The following FSHR variants were observed in gnomAD, a reference collection of about 807,000 sequenced individuals.
FSHR encodes the protein follicle stimulating hormone receptor.
In FSHR, 46 loss-of-function variants were observed where a neutral mutation model predicts 52.1. The ratio of observed to expected loss-of-function variants is 0.88; its 90% CI spans 0.70 to 1.13. The LOEUF (loss-of-function observed/expected upper bound fraction) is 1.13. Among genes scored for constraint, FSHR ranks in the 50% most tolerant of loss-of-function variants. FSHR has a pLI of 0.00. For synonymous variants in FSHR, 399 were observed against 309.6 expected, an observed-to-expected ratio of 1.29 and a Z score of -3.03; for missense variants, 964 against 834.6, an observed-to-expected ratio of 1.16 and a Z score of -1.91.
chr2:49,020,941 G>T (rs573836259), intron 2 of FSHR, among the ~76,000 whole-genome samples: 1 of 152,196 alleles, frequency 6.6e-6, no homozygotes, highest in East Asian at 1.9e-4. Flanking sequence ...CCTGTCAGGG[G>T]GTAGGATTGA....
Position 48,963,573 on chromosome 2 carries a change from C to A in FSHR, c.1248G>T (p.Leu416=). ...FADLCIGIYL[L]LIASVDIHTK... ...TATGGATATCAACTGATGCAATGAG[C>A]AGCAGGTAGATTCCAATGCAGAGAT... Residue 416 remains leucine (L), a synonymous_variant, in exon 10 of 10, where the codon CTG becomes CTT. Transcript: ENST00000406846. The A allele has an allele frequency of 6.2e-7, 1 of 1,614,154 alleles. No homozygotes were observed. The highest frequency in any genetic ancestry group is 8.5e-7 in the Non-Finnish European group (1 of 1,180,024).
At chr2:49,097,389 G>A (rs1433756859) in intron 1 of FSHR, among the ~76,000 whole-genome samples, 1 of 152,124 alleles carries the variant, frequency 6.6e-6, no homozygotes, top group Non-Finnish European at 1.5e-5. Flanking sequence ...ATTCTGTTGA[G>A]CCCACTAGGG....
intron 1 of FSHR, among the ~76,000 whole-genome samples, chr2:49,072,501 A>T (rs1186366103): frequency 6.6e-6 from 1 of 152,166 alleles, no homozygotes; most frequent in Non-Finnish European, 1.5e-5. Flanking sequence ...AGAATTGTGG[A>T]AACAGAAAAT....
intron 4 of FSHR, among the ~76,000 whole-genome samples, chr2:48,993,374 A>T (rs572555062): frequency 6.6e-6 from 1 of 152,146 alleles, no homozygotes; most frequent in Non-Finnish European, 1.5e-5. Context: ...ATCAATTTTA[A>T]TTTGACAGTT....
intron 8 of FSHR, among the ~76,000 whole-genome samples, chr2:48,969,135 T>TA (rs1485400071): frequency 2.0e-5 from 3 of 152,138 alleles, no homozygotes; most frequent in Non-Finnish European, 4.4e-5. Context: ...TGGATATACT[T>TA]ACATCCTGGC....
At chr2:49,083,064 T>C (rs564405682) in intron 1 of FSHR, among the ~76,000 whole-genome samples, 2 of 150,728 alleles carry the variant, frequency 1.3e-5, no homozygotes, top group South Asian at 4.2e-4. Flanking sequence ...AAAGTTGAAA[T>C]GAAGGAAAAA....
intron 8 of FSHR, among the ~76,000 whole-genome samples, chr2:48,975,384 C>T (rs1380321292): frequency 6.6e-6 from 1 of 151,886 alleles, no homozygotes; most frequent in Non-Finnish European, 1.5e-5. Context: ...CCCAATCCAA[C>T]ACCTGAACAC....
chr2:48,975,390 A>C (rs975229639), intron 8 of FSHR, among the ~76,000 whole-genome samples: 11 of 151,990 alleles, frequency 7.2e-5, no homozygotes, highest in African/African-American at 2.7e-4. Context: ...CCAACACCTG[A>C]ACACTGGATG....
intron 3 of FSHR, among the ~76,000 whole-genome samples, chr2:49,019,062 T>C (rs1001757213): frequency 2.0e-5 from 3 of 152,352 alleles, no homozygotes; most frequent in Middle Eastern, 3.4e-3. Context: ...AGGTAGTTCA[T>C]TGGCTTTCTT....
chr2:49,015,259 C>T (rs1018919368), intron 4 of FSHR, among the ~76,000 whole-genome samples: 2 of 152,068 alleles, frequency 1.3e-5, no homozygotes, highest in Non-Finnish European at 2.9e-5. Flanking sequence ...CATTTAAATG[C>T]AAAGGCATGC....
intron 6 of FSHR, among the ~76,000 whole-genome samples, chr2:48,988,321 A>T (rs1273335564): frequency 6.6e-6 from 1 of 152,210 alleles, no homozygotes; most frequent in Non-Finnish European, 1.5e-5. Context: ...CCCAAATGTC[A>T]TTCTGTGCAT....
intron 1 of FSHR, among the ~76,000 whole-genome samples, chr2:49,152,905 C>G (rs1673113922): frequency 6.6e-6 from 1 of 152,208 alleles, no homozygotes; most frequent in Non-Finnish European, 1.5e-5. Context: ...GGTACATTGG[C>G]CTTCTCCTGT....
Position 49,020,098 on chromosome 2 carries a change from T to A in FSHR, c.287A>T (p.Lys96Ile). The A allele has an allele frequency of 6.2e-7, 1 of 1,613,444 alleles. No homozygotes were observed. The highest frequency in any genetic ancestry group is 8.5e-7 in the Non-Finnish European group (1 of 1,179,414). ...TCTTCTTGCTTACATTTCATGTAATTTGGGAAGGTTGGAGAACACATCTGC... is the reference window on the plus strand; with the variant it reads ...TCTTCTTGCTTACATTTCATGTAATATGGGAAGGTTGGAGAACACATCTGC... ...IEADVFSNLP[K>I]LHEIRIEKAN... The change falls in exon 3 of 10, where the codon AAA becomes ATA. Residue 96 changes from lysine (K) to isoleucine (I), a missense_variant. Transcript: ENST00000406846.
chr2:49,002,932 T>C (rs1666957519), intron 4 of FSHR, among the ~76,000 whole-genome samples: 1 of 152,150 alleles, frequency 6.6e-6, no homozygotes, highest in Non-Finnish European at 1.5e-5. Context: ...AGAGAGACCA[T>C]GATGGATGAT....
intron 6 of FSHR, among the ~76,000 whole-genome samples, chr2:48,984,109 C>G (rs761580059): frequency 6.6e-6 from 1 of 152,194 alleles, no homozygotes; most frequent in Non-Finnish European, 1.5e-5. Flanking sequence ...CCCAGAGAAG[C>G]TCCTGTGCAT....
intron 2 of FSHR, among the ~76,000 whole-genome samples, chr2:49,021,921 A>AGAGAGAG (rs1667739794): frequency 1.5e-4 from 19 of 126,710 alleles, no homozygotes; most frequent in Non-Finnish European, 2.0e-4. Flanking sequence ...AGAGAGAGAG[A>AGAGAGAG]ATGAACACCA....
chr2:49,077,691 C>A (rs1211728213), intron 1 of FSHR, among the ~76,000 whole-genome samples: 1 of 152,158 alleles, frequency 6.6e-6, no homozygotes, highest in Non-Finnish European at 1.5e-5. Flanking sequence ...TTCAACAGCA[C>A]CCAAGTCAAG....
At chr2:49,074,948 C>A (rs539286071) in intron 1 of FSHR, among the ~76,000 whole-genome samples, 1 of 151,986 alleles carries the variant, frequency 6.6e-6, no homozygotes, top group Non-Finnish European at 1.5e-5. Flanking sequence ...GAAAGTTGAA[C>A]ACTGTATATT....
In FSHR at chr2:49,036,316, G is replaced by T. The variant is rs146766082; in HGVS notation, c.225-16156C>A. On this transcript the variant is annotated intron_variant, in intron 2 of 9. Coordinates refer to ENST00000406846, the MANE Select transcript of FSHR (RefSeq NM_000145.4). Reference sequence around the variant, plus strand: ...AAAAAAGGTTAGACTTGTTATCTTTGATCTGTGTTTCATCATCTCCAGTTA... The same window carrying T: ...AAAAAAGGTTAGACTTGTTATCTTTTATCTGTGTTTCATCATCTCCAGTTA... Among the ~76,000 whole-genome samples, 5 of 151,772 alleles carry T rather than the reference G, an allele frequency of 3.3e-5. No homozygotes were observed. In the East Asian group the frequency reaches 9.7e-4, roughly 29 times the overall value.
Sources: gnomAD v4.1 joint callset for allele counts (sites outside exome capture counted in the v4.1 genomes callset) on GRCh38, gnomAD v4.1.1 for gene constraint, MANE v1.5 for transcripts, NCBI Gene and HGNC (gene_info 2026-07-23, HGNC 2026-07-21) for gene names.